KATNB1: variants seen among roughly 807,000 people sequenced by gnomAD.
KATNB1 encodes katanin regulatory subunit B1.
Under a neutral mutation model 82.3 loss-of-function variants are expected in KATNB1, and 38 were observed. The ratio of observed to expected loss-of-function variants is 0.46; its 90% CI spans 0.36 to 0.61. The LOEUF is 0.61. KATNB1 is among the 20% of genes least tolerant of loss of function. The pLI, the probability that KATNB1 is intolerant of heterozygous loss-of-function variation, is 0.00. For missense variants in KATNB1, 749 were observed against 915.7 expected, an observed-to-expected ratio of 0.82 and a Z score of 2.35; for synonymous variants, 361 against 368.7, an observed-to-expected ratio of 0.98 and a Z score of 0.24.
At position 57,737,290 on chromosome 16, in the gene KATNB1, G is replaced by C. The variant is rs375694212; in HGVS notation, c.40+7G>C. The C allele has an allele frequency of 1.0e-4, 162 of 1,614,002 alleles. No homozygotes were observed. The highest frequency in any genetic ancestry group is 4.0e-4 in the Admixed American group (24 of 60,004). On this transcript the variant is annotated splice_region_variant and intron_variant, in intron 2 of 19. Coordinates refer to ENST00000379661, the MANE Select transcript of KATNB1 (RefSeq NM_005886.3). ...AAGACAGCCTGGAAGTTGCGTGAGTGGTTTTCATTTTTCTTTATCACCCCA... is the reference window on the plus strand; with the variant it reads ...AAGACAGCCTGGAAGTTGCGTGAGTCGTTTTCATTTTTCTTTATCACCCCA...
In KATNB1 at chr16:57,756,004, G is replaced by C. The variant is rs782022705; in HGVS notation, c.1656G>C (p.Lys552Asn). 2.5e-6 allele frequency: 4 copies of C among 1,612,938 alleles called. No individual in the cohort carries two copies. The highest frequency in any genetic ancestry group is 3.4e-6 in the Non-Finnish European group (4 of 1,180,022). ...TGGCCTCTCCTAGCTCCCTGTGGAA[G>C]CTGGACCTGTGCACCACCGTCCTGC... is the stretch of plus-strand genomic sequence containing the variant. ...NIVNQKASLW[K>N]LDLCTTVLPQ... The change falls in exon 18 of 20, where the codon AAG (lysine) becomes AAC (asparagine). Residue 552 changes from lysine (K) to asparagine (N), a missense_variant. Around this residue, in one of 3 missense-constraint regions of KATNB1, gnomAD observed 407 missense variants for 434.7 expected, o/e 0.94. Transcript: ENST00000379661.
At chr16:57,740,285 C>T (rs1007063884) in intron 2 of KATNB1, among the ~76,000 whole-genome samples, 5 of 152,210 alleles carry the variant, frequency 3.3e-5, no homozygotes, top group South Asian at 4.1e-4. Flanking sequence ...GGCTCTGCCC[C>T]GACCGGCCCA....
chr16:57,737,015 C>T lies in KATNB1; in HGVS notation c.-229C>T, dbSNP rs1424469707. 4.3e-6 allele frequency: 3 copies of T among 700,006 alleles called. No individual in the cohort carries two copies. The highest frequency in any genetic ancestry group is 2.3e-4 in the Middle Eastern group (1 of 4,346). The allele number at this position is 700,006 out of a possible 1,614,324, so 43.4% of individuals were successfully genotyped here. ...CTGAGATGGCTCGAGCCTAACATTC[C>T]ATGATCCAGGATCGTGACAGATGTG... is the stretch of plus-strand genomic sequence containing the variant. On this transcript the variant is annotated 5_prime_UTR_variant, in exon 2 of 20. Coordinates refer to ENST00000379661, the MANE Select transcript of KATNB1 (RefSeq NM_005886.3).
Position 57,757,243 on chromosome 16 carries a change from T to G in KATNB1, c.*297T>G. 3.8e-6 allele frequency: 1 copy of G among 261,284 alleles called. No homozygotes were observed. The highest frequency in any genetic ancestry group is 1.1e-3 in the Middle Eastern group (1 of 936). The allele number at this position is 261,284 out of a possible 1,614,324, so 16.2% of individuals were successfully genotyped here. On this transcript the variant is annotated 3_prime_UTR_variant, in exon 20 of 20. Transcript: ENST00000379661. ...GCAAATTTTATTAAATTTGTAACTATTCCCAGGTTTCCTTGTGGGGAATGT... is the reference window on the plus strand; with the variant it reads ...GCAAATTTTATTAAATTTGTAACTAGTCCCAGGTTTCCTTGTGGGGAATGT...
chr16:57,744,893 G>A (rs571167171), intron 4 of KATNB1, among the ~76,000 whole-genome samples: 1 of 152,164 alleles, frequency 6.6e-6, no homozygotes, highest in Non-Finnish European at 1.5e-5. Context: ...ATGAAGAACC[G>A]GGGAGCTTGT....
At chr16:57,747,573 C>T (rs2049192731) in intron 4 of KATNB1, among the ~76,000 whole-genome samples, 2 of 152,210 alleles carry the variant, frequency 1.3e-5, no homozygotes, top group Admixed American at 1.3e-4. Context: ...GCAGGCTTTG[C>T]GTCTCGGCAC....
chr16:57,744,271 A>G (rs2049165834), intron 3 of KATNB1, 123 bp from the exon 4 acceptor site: 3 of 806,214 alleles, frequency 3.7e-6, no homozygotes, highest in Non-Finnish European at 6.1e-6. Context: ...TGTGGCCCCC[A>G]TGGGGCTCCC....
Position 57,737,130 on chromosome 16 carries a change from G to T in KATNB1, c.-114G>T. 1 of 1,328,072 alleles carries T rather than the reference G, an allele frequency of 7.5e-7. No individual in the cohort carries two copies. The highest frequency in any genetic ancestry group is 1.4e-5 in the African/African-American group (1 of 69,166). 82.3% of individuals were successfully genotyped at this position (1,328,072 alleles called of 1,614,324 possible). On this transcript the variant is annotated 5_prime_UTR_variant, in exon 2 of 20. Transcript: ENST00000379661. ...CGAGGCATTCTGTCTGCCTGGATGT[G>T]TGGGAACTCTCTGCCAACTTGATTG...
At chr16:57,739,215 A>G (rs2049125134) in intron 2 of KATNB1, among the ~76,000 whole-genome samples, 1 of 152,208 alleles carries the variant, frequency 6.6e-6, no homozygotes, top group Non-Finnish European at 1.5e-5. Flanking sequence ...GATCAGGCGT[A>G]TTGGGCATCT....
chr16:57,753,958 C>T lies in KATNB1; in HGVS notation c.1191C>T (p.Pro397=). The change falls in exon 13 of 20, where the codon CCC becomes CCT. Residue 397 remains proline, a synonymous_variant. Transcript: ENST00000379661. ...QPKNSISRTP[P]RRSEPFPAPP... ...TTTCCTCTGCAGGTCGGACGCCACCCCGGAGAAGTGAGCCCTTCCCTGCAC... is the reference window on the plus strand; with the variant it reads ...TTTCCTCTGCAGGTCGGACGCCACCTCGGAGAAGTGAGCCCTTCCCTGCAC... The T allele has an allele frequency of 6.2e-7, 1 of 1,613,560 alleles. No homozygotes were observed. Among genetic ancestry groups the T allele is most frequent in the Non-Finnish European group, 8.5e-7 (1 of 1,179,912 alleles).
rs554269708 is a variant in KATNB1 at position 57,738,964 on chromosome 16, G to A, written c.40+1681G>A. 6.6e-5 allele frequency among the ~76,000 whole-genome samples: 10 copies of A among 152,186 alleles called. No homozygotes were observed. The East Asian group carries it at 1.9e-3, about 29-fold the overall frequency. On this transcript the variant is annotated intron_variant, in intron 2 of 19. Transcript: ENST00000379661. ...CTTTGAATCAGTTAGCTGGGGGGTA[G>A]GGGTAGGGGTGGGGTGGGAATGCTG...
rs1380962205 is a variant in KATNB1 at position 57,755,124 on chromosome 16, G to A, written c.1302G>A (p.Glu434=). 7.4e-6 allele frequency: 12 copies of A among 1,612,766 alleles called. No homozygotes were observed. Among genetic ancestry groups the A allele is most frequent in the Non-Finnish European group, 9.3e-6 (11 of 1,179,888 alleles). Residue 434 remains glutamate, a synonymous_variant, in exon 15 of 20, where the codon GAG becomes GAA. Transcript: ENST00000379661. ...GCTGAGTTTCACACTTTCAGCTGGAGGTCCTGCCCCGGCCCCCAGTGGTTG... is the reference window on the plus strand; with the variant it reads ...GCTGAGTTTCACACTTTCAGCTGGAAGTCCTGCCCCGGCCCCCAGTGGTTG... ...MDVQFPVPNL[E]VLPRPPVVAS...
At position 57,756,885 on chromosome 16, in the gene KATNB1, T is replaced by G; in HGVS notation, c.1907T>G (p.Leu636Arg). 1 of 1,555,586 alleles carries G rather than the reference T, an allele frequency of 6.4e-7. No homozygotes were observed. Among genetic ancestry groups the G allele is most frequent in the Non-Finnish European group, 8.7e-7 (1 of 1,149,510 alleles). ...GGCCTGGTCAAGAGCAAGTCAGGCC[T>G]GAGCGGCCGCCATGGCAGTACCTTC... ...ISGLVKSKSG[L>R]SGRHGSTFRE... Residue 636 changes from leucine to arginine, a missense_variant, in exon 20 of 20, where the codon CTG becomes CGG. By Grantham distance (102) the Leu-to-Arg change is moderately radical. This residue lies in a region of KATNB1 where 95 missense variants were observed against 131.6 expected (regional missense o/e 0.72). Coordinates refer to ENST00000379661, the MANE Select transcript of KATNB1 (RefSeq NM_005886.3).
At chr16:57,755,962 C>A (rs1160226427) in intron 17 of KATNB1, 30 bp from the exon 18 acceptor site, 1 of 1,612,420 alleles carries the variant, frequency 6.2e-7, no homozygotes, top group Admixed American at 1.7e-5. Flanking sequence ...CAGGGCTGGG[C>A]TGATGGCAGC....
intron 2 of KATNB1, among the ~76,000 whole-genome samples, chr16:57,740,151 CT>C (rs1206277731): frequency 3.9e-4 from 59 of 152,324 alleles, no homozygotes; most frequent in African/African-American, 1.4e-3. Flanking sequence ...ACAGAAGGCT[CT>C]CATCGAGACG....
intron 17 of KATNB1, 30 bp downstream of exon 17, chr16:57,755,947 A>T: frequency 6.2e-7 from 1 of 1,608,236 alleles, no homozygotes; most frequent in Non-Finnish European, 8.5e-7. Flanking sequence ...GAGTGGGCGG[A>T]GGGGCAGGGC....
At chr16:57,754,736 T>G (rs554820190) in intron 13 of KATNB1, among the ~76,000 whole-genome samples, 194 bp from the exon 14 acceptor site, 1 of 152,020 alleles carries the variant, frequency 6.6e-6, no homozygotes, top group African/African-American at 2.4e-5. Context: ...TAAGGTTGAG[T>G]TGGGGGAGAG....
rs782080487 is a variant in KATNB1, at chr16:57,751,326, C to A, written c.432+24C>A. The A allele has an allele frequency of 1.2e-6, 2 of 1,609,340 alleles. No homozygotes were observed. Among genetic ancestry groups the A allele is most frequent in the Non-Finnish European group, 1.7e-6 (2 of 1,175,732 alleles). Reference sequence around the variant, plus strand: ...GGGTAAGGATGCGCTCTGTCGGTGACTCCATGAGCACCTTGCGGGCATTGA... The same window carrying A: ...GGGTAAGGATGCGCTCTGTCGGTGAATCCATGAGCACCTTGCGGGCATTGA... On this transcript the variant is annotated intron_variant, in intron 6 of 19. Transcript: ENST00000379661. This position sits in a 1 kb window ranked among gnomAD's most constrained non-coding sequence, Gnocchi z 6.3.
intron 12 of KATNB1, 61 bp from the exon 13 acceptor site, chr16:57,753,884 C>T (rs1439252605): frequency 8.5e-6 from 13 of 1,536,674 alleles, no homozygotes; most frequent in African/African-American, 1.4e-5. Context: ...CTGGACAGGG[C>T]CCTGGGTCCC....
Sources: gnomAD v4.1 joint callset for allele counts (sites outside exome capture counted in the v4.1 genomes callset) on GRCh38, gnomAD v4.1.1 for gene constraint, gnomAD v4.1.1 regional missense constraint, Gnocchi (gnomAD v3.1) non-coding constraint, MANE v1.5 for transcripts, NCBI Gene and HGNC (gene_info 2026-07-23, HGNC 2026-07-21) for gene names.